Variants in NAV3 observed in about 807,000 individuals in gnomAD.
The protein encoded by NAV3 is pore membrane and/or filament interacting like protein 1.
A neutral mutation model predicts 244.7 loss-of-function variants in NAV3; 87 were observed. That is an observed-to-expected ratio of 0.36 (90% CI 0.30 to 0.42). The LOEUF (loss-of-function observed/expected upper bound fraction) is 0.42, where lower values mean the gene tolerates loss of function less well. NAV3 is among the 20% of genes least tolerant of loss of function. The probability of loss-of-function intolerance (pLI) is 1.00; values close to 1 mark genes in which losing one functional copy is unlikely to be tolerated. For synonymous variants in NAV3, 1,126 were observed against 1,042.2 expected, an observed-to-expected ratio of 1.08 and a Z score of -1.55; for missense variants, 2,663 against 2,893.3, an observed-to-expected ratio of 0.92 and a Z score of 1.83.
chr12:78,093,932 T>C (rs565604411), intron 12 of NAV3, among the ~76,000 whole-genome samples: 2 of 152,114 alleles, frequency 1.3e-5, no homozygotes, highest in South Asian at 4.1e-4. Context: ...CTCAAACACT[T>C]GGGCTCAAAC....
intron 2 of NAV3, among the ~76,000 whole-genome samples, chr12:77,805,117 A>C (rs1335573172): frequency 6.6e-6 from 1 of 152,140 alleles, no homozygotes; most frequent in Non-Finnish European, 1.5e-5. Context: ...CTGCAAACAG[A>C]GACAATTTGA....
At chr12:78,021,945 G>T in intron 9 of NAV3, 83 bp downstream of exon 9, 6 of 770,276 alleles carry the variant, frequency 7.8e-6, no homozygotes, top group African/African-American at 3.5e-5. Flanking sequence ...TCATATATGT[G>T]GTATACTGTT....
In NAV3 at chr12:78,190,055, T is replaced by C; in HGVS notation, c.6127T>C (p.Phe2043Leu). 1 of 1,613,254 alleles carries C rather than the reference T, an allele frequency of 6.2e-7. No individual in the cohort carries two copies. The highest frequency in any genetic ancestry group is 8.5e-7 in the Non-Finnish European group (1 of 1,179,508). ...TCCTAAACCAATTACCCAAAGGTAC[T>C]TTAACTTGTTGATGGAGCATCACAG... ...LIPKPITQRY[F>L]NLLMEHHRII... Residue 2043 changes from phenylalanine (F) to leucine (L), a missense_variant, in exon 34 of 40, where the codon TTT (phenylalanine) becomes CTT (leucine). This residue lies in a region of NAV3 where 543 missense variants were observed against 672.4 expected (regional missense o/e 0.81). Transcript: ENST00000397909.
In NAV3 at chr12:77,900,233, C is replaced by A. The variant is rs113223544; in HGVS notation, c.244-40086C>A. Among the ~76,000 whole-genome samples, 1,235 of 152,078 alleles carry A rather than the reference C, an allele frequency of 8.1e-3. 15 individuals carry two copies. The highest frequency in any genetic ancestry group is 0.043 in the South Asian group (206 of 4,814). On this transcript the variant is annotated intron_variant, in intron 1 of 39. Transcript: ENST00000397909. ...CTGGGACTACAGGCGCCCGCCACCA[C>A]GCCCAGCTAATTTTTTGTATTTTTA...
At chr12:77,958,067 T>C (rs2137777502) in intron 3 of NAV3, among the ~76,000 whole-genome samples, 1 of 152,340 alleles carries the variant, frequency 6.6e-6, no homozygotes, top group East Asian at 1.9e-4. Flanking sequence ...CACTGGTAAG[T>C]GTCTTGAGTT....
intron 2 of NAV3, among the ~76,000 whole-genome samples, chr12:77,682,828 C>T (rs1314557133): frequency 2.6e-5 from 4 of 152,098 alleles, no homozygotes; most frequent in Admixed American, 6.5e-5. Context: ...TACTCAGGTC[C>T]TTCACACATT....
At chr12:78,114,658 A>G (rs1220531302) in intron 12 of NAV3, among the ~76,000 whole-genome samples, 1 of 152,178 alleles carries the variant, frequency 6.6e-6, no homozygotes, top group East Asian at 1.9e-4. Context: ...TGACACGTGA[A>G]GATTATGGGA....
At chr12:77,790,473 T>A (rs1308345986) in intron 2 of NAV3, among the ~76,000 whole-genome samples, 1 of 152,146 alleles carries the variant, frequency 6.6e-6, no homozygotes, top group African/African-American at 2.4e-5. Flanking sequence ...AAGAATTAGT[T>A]TTGGATACAG....
intron 2 of NAV3, among the ~76,000 whole-genome samples, chr12:77,604,204 T>C (rs558302415): frequency 3.3e-5 from 5 of 152,198 alleles, no homozygotes; most frequent in East Asian, 3.9e-4. Context: ...CCAATCTGCA[T>C]AGACAATTTT....
chr12:78,060,016 G>C (rs80079794), intron 12 of NAV3, among the ~76,000 whole-genome samples: 120 of 151,328 alleles, frequency 7.9e-4, no homozygotes, highest in African/African-American at 2.6e-3. Flanking sequence ...TATTTTGCTG[G>C]AAATTGCTCT....
At chr12:77,603,624 G>A (rs1417611101) in intron 2 of NAV3, among the ~76,000 whole-genome samples, 4 of 152,196 alleles carry the variant, frequency 2.6e-5, no homozygotes, top group African/African-American at 9.6e-5. Flanking sequence ...AATTGAGTAA[G>A]TGAAGTCAGA....
At chr12:78,034,997 C>A (rs1461511288) in intron 9 of NAV3, among the ~76,000 whole-genome samples, 8 of 152,034 alleles carry the variant, frequency 5.3e-5, no homozygotes, top group Non-Finnish European at 1.0e-4. Flanking sequence ...AGAATTTTGT[C>A]ACAAATAATT....
At chr12:78,027,942 C>A (rs535533067) in intron 9 of NAV3, among the ~76,000 whole-genome samples, 2 of 149,678 alleles carry the variant, frequency 1.3e-5, no homozygotes, top group African/African-American at 5.0e-5. Context: ...AAAAAGGAAG[C>A]GTTTTTTTTT....
chr12:78,127,064 C>T (rs1383165922), intron 16 of NAV3, 103 bp from the exon 17 acceptor site: 1 of 1,137,180 alleles, frequency 8.8e-7, no homozygotes, highest in Non-Finnish European at 1.3e-6. Context: ...ATGTGTGTTA[C>T]CAAAAAATTA....
At chr12:78,149,175 T>C (rs1956978794) in intron 22 of NAV3, among the ~76,000 whole-genome samples, 1 of 152,112 alleles carries the variant, frequency 6.6e-6, no homozygotes, top group African/African-American at 2.4e-5. Context: ...CCATATGGGT[T>C]ACTTCTTTTC....
At position 78,188,373 on chromosome 12, in the gene NAV3, T is replaced by C. The variant is rs776966850; in HGVS notation, c.5886+30T>C. ...GTTGTGCAAGACACCCTAATAGTACTTTTCAAATATGTTTCTCTTTAATTG... is the reference window on the plus strand; with the variant it reads ...GTTGTGCAAGACACCCTAATAGTACCTTTCAAATATGTTTCTCTTTAATTG... On this transcript the variant is annotated intron_variant, in intron 32 of 39. Transcript: ENST00000397909. 3.3e-6 allele frequency: 5 copies of C among 1,517,444 alleles called. No individual in the cohort carries two copies. In the South Asian group the frequency reaches 4.7e-5, roughly 14 times the overall value. 94.0% of individuals were successfully genotyped at this position (1,517,444 alleles called of 1,614,324 possible). A position where few individuals can be genotyped will look rare whatever the true frequency, so the allele number is the denominator to read the frequency against.
At chr12:77,643,352 C>T (rs942207661) in intron 2 of NAV3, among the ~76,000 whole-genome samples, 3 of 151,670 alleles carry the variant, frequency 2.0e-5, no homozygotes, top group Non-Finnish European at 2.9e-5. Flanking sequence ...TGAAAGCTTT[C>T]TAATGGAACA....
intron 12 of NAV3, among the ~76,000 whole-genome samples, chr12:78,093,394 C>G (rs1593549286): frequency 6.6e-6 from 1 of 152,148 alleles, no homozygotes; most frequent in South Asian, 2.1e-4. Context: ...AGAAATATAG[C>G]AGGTACTAAA....
At chr12:77,976,731 A>G (rs1345452644) in intron 5 of NAV3, among the ~76,000 whole-genome samples, 2 of 121,166 alleles carry the variant, frequency 1.7e-5, no homozygotes, top group Non-Finnish European at 3.2e-5. Context: ...TGGAGTGCAG[A>G]GGCGTGATCT....
Sources: gnomAD v4.1 joint callset for allele counts (sites outside exome capture counted in the v4.1 genomes callset) on GRCh38, gnomAD v4.1.1 for gene constraint, gnomAD v4.1.1 regional missense constraint, MANE v1.5 for transcripts, NCBI Gene and HGNC (gene_info 2026-07-23, HGNC 2026-07-21) for gene names.